The following CDK19 variants were observed in gnomAD, a reference collection of about 807,000 sequenced individuals.
CDK19 encodes the protein cyclin dependent kinase 19.
CDK19 carries 20 observed loss-of-function variants against 68.3 expected under a neutral mutation model. That is an observed-to-expected ratio of 0.29 (90% CI 0.21 to 0.43). CDK19 has a LOEUF of 0.43. Ranked by LOEUF, CDK19 falls within the 20% of genes least tolerant of loss-of-function variation. The pLI, the probability that CDK19 is intolerant of heterozygous loss-of-function variation, is 1.00. For missense variants in CDK19, 339 were observed against 623.5 expected (o/e 0.54, Z 4.86); for synonymous variants, 221 against 222.8 (o/e 0.99, Z 0.07).
chr6:110,720,661 A>AG (rs1775797131), intron 2 of CDK19, among the ~76,000 whole-genome samples: 2 of 151,644 alleles, frequency 1.3e-5, no homozygotes, highest in Non-Finnish European at 2.9e-5. Flanking sequence ...GAGGTCAGGA[A>AG]TTCGAGACCA....
At chr6:110,674,606 C>A (rs1771320747) in intron 2 of CDK19, among the ~76,000 whole-genome samples, 1 of 152,122 alleles carries the variant, frequency 6.6e-6, no homozygotes, top group Non-Finnish European at 1.5e-5. Context: ...TGCAACATTA[C>A]CTTAAGACAA....
chr6:110,747,393 A>C (rs1778153310), intron 1 of CDK19, among the ~76,000 whole-genome samples: 2 of 152,226 alleles, frequency 1.3e-5, no homozygotes, highest in African/African-American at 4.8e-5. Context: ...GGAAATAATT[A>C]AACAGTATTT....
At chr6:110,766,831 C>T (rs1051407304) in intron 1 of CDK19, among the ~76,000 whole-genome samples, 1 of 151,752 alleles carries the variant, frequency 6.6e-6, no homozygotes, top group East Asian at 2.0e-4. Context: ...GAGACCCTGT[C>T]TCTAAGAAAA....
intron 2 of CDK19, among the ~76,000 whole-genome samples, chr6:110,674,982 G>A (rs2817770): frequency 0.035 from 5,388 of 152,148 alleles, 307 homozygotes; most frequent in African/African-American, 0.12. Flanking sequence ...GAGAGGTGGG[G>A]AAGCTGCAGA....
intron 4 of CDK19, among the ~76,000 whole-genome samples, chr6:110,645,001 G>A (rs1159314439): frequency 6.6e-5 from 10 of 151,954 alleles, no homozygotes; most frequent in Non-Finnish European, 7.4e-5. Flanking sequence ...ATAACTTCAG[G>A]GAGTAAAAAG....
chr6:110,678,755 C>T (rs1771743174), intron 2 of CDK19, among the ~76,000 whole-genome samples: 1 of 152,130 alleles, frequency 6.6e-6, no homozygotes, highest in African/African-American at 2.4e-5. Flanking sequence ...CTTTCAGTTA[C>T]CTGATTCTGA....
Position 110,610,114 on chromosome 6 carries a change from G to A in CDK19, c.*4421C>T, listed in dbSNP as rs566413531. ...AACCCTCGCTCCAAAGCAGTAGCTC[G>A]TCCTGCACTCCATGGAGCAGGCCTC... On this transcript the variant is annotated 3_prime_UTR_variant, in exon 13 of 13. Transcript: ENST00000368911. The A allele has an allele frequency of 6.6e-6, 1 of 152,284 alleles. No individual in the cohort carries two copies. The highest frequency in any genetic ancestry group is 2.1e-4 in the South Asian group (1 of 4,826). 9.4% of individuals were successfully genotyped at this position (152,284 alleles called of 1,614,324 possible).
intron 2 of CDK19, among the ~76,000 whole-genome samples, chr6:110,734,654 T>C (rs904174543): frequency 7.3e-5 from 11 of 151,704 alleles, no homozygotes; most frequent in Non-Finnish European, 1.6e-4. Flanking sequence ...CTTTGAAATT[T>C]ATGCTACCAC....
At chr6:110,789,861 T>C (rs1357463624) in intron 1 of CDK19, among the ~76,000 whole-genome samples, 1 of 152,208 alleles carries the variant, frequency 6.6e-6, no homozygotes, top group Non-Finnish European at 1.5e-5. Context: ...CATTTACCAA[T>C]TTATTCCAAT....
rs1002263827 is a variant in CDK19 at position 110,805,115 on chromosome 6, T to C, written c.128+9894A>G. Among the ~76,000 whole-genome samples the C allele has an allele frequency of 3.3e-5, 5 of 152,296 alleles. No individual in the cohort carries two copies. In the South Asian group the frequency reaches 1.0e-3, roughly 32 times the overall value. On this transcript the variant is annotated intron_variant, in intron 1 of 12. Coordinates refer to ENST00000368911, the MANE Select transcript of CDK19 (RefSeq NM_015076.5). The stretch of plus-strand genomic sequence containing the variant: ...CCTGTCTTCTCTCGTGAGACTCTCT[T>C]TTATCCTGTACAGTGCACATTCAAA...
intron 4 of CDK19, among the ~76,000 whole-genome samples, chr6:110,643,916 T>C (rs1281620102): frequency 2.0e-5 from 3 of 151,980 alleles, no homozygotes; most frequent in Middle Eastern, 3.2e-3. Flanking sequence ...ATCTCACTAT[T>C]AAAATTTAAA....
chr6:110,763,420 T>G (rs1232099009), intron 1 of CDK19, among the ~76,000 whole-genome samples: 1 of 148,898 alleles, frequency 6.7e-6, no homozygotes, highest in East Asian at 2.0e-4. Context: ...TTATGTTTTT[T>G]TTTTTTTTTT....
At chr6:110,811,544 G>A (rs781256710) in intron 1 of CDK19, among the ~76,000 whole-genome samples, 2 of 151,818 alleles carry the variant, frequency 1.3e-5, no homozygotes, top group Non-Finnish European at 2.9e-5. Flanking sequence ...CACGGCGCCC[G>A]GCCAACAAAA....
At chr6:110,654,560 T>C (rs534528197) in intron 4 of CDK19, among the ~76,000 whole-genome samples, 4 of 152,334 alleles carry the variant, frequency 2.6e-5, no homozygotes, top group African/African-American at 9.6e-5. Flanking sequence ...AATAAGTGAA[T>C]GAGCTAAATT....
intron 1 of CDK19, among the ~76,000 whole-genome samples, chr6:110,752,943 T>C (rs2114912744): frequency 6.6e-6 from 1 of 152,258 alleles, no homozygotes; most frequent in South Asian, 2.1e-4. Context: ...GTTTGTTTGT[T>C]TGTTTAGACA....
intron 12 of CDK19, among the ~76,000 whole-genome samples, chr6:110,617,352 C>G (rs912118262): frequency 6.6e-6 from 1 of 152,190 alleles, no homozygotes; most frequent in Admixed American, 6.5e-5. Context: ...CAGGAATGCA[C>G]GCTTAGAGAG....
chr6:110,797,279 G>A (rs1782003709), intron 1 of CDK19, among the ~76,000 whole-genome samples: 1 of 152,012 alleles, frequency 6.6e-6, no homozygotes, highest in East Asian at 1.9e-4. Flanking sequence ...GGCAAAGGTT[G>A]CAGTGAACCG....
chr6:110,711,273 C>G (rs1774919894), intron 2 of CDK19, among the ~76,000 whole-genome samples: 1 of 152,046 alleles, frequency 6.6e-6, no homozygotes, highest in Admixed American at 6.5e-5. Context: ...GAGGGGTTAA[C>G]AAAGAAATAA....
At chr6:110,728,795 T>A (rs1776536977) in intron 2 of CDK19, among the ~76,000 whole-genome samples, 1 of 152,198 alleles carries the variant, frequency 6.6e-6, no homozygotes. Context: ...CTCTGCCTAA[T>A]GAGCTCCCAC....
Sources: allele counts gnomAD v4.1 joint callset (sites outside exome capture counted in the v4.1 genomes callset), GRCh38; gene constraint gnomAD v4.1.1; transcripts MANE v1.5; gene names NCBI Gene and HGNC (gene_info 2026-07-23, HGNC 2026-07-21).